DLG2: variants seen among roughly 807,000 people sequenced by gnomAD.
The protein encoded by DLG2 is discs large MAGUK scaffold protein 2, also known as disks large homolog 2.
Under a neutral mutation model 132.5 loss-of-function variants are expected in DLG2, and 45 were observed. That is an observed-to-expected ratio of 0.34 (90% CI 0.27 to 0.44). The LOEUF (loss-of-function observed/expected upper bound fraction) is 0.44, where lower values mean the gene tolerates loss of function less well. Ranked by LOEUF, DLG2 falls within the 20% of genes least tolerant of loss-of-function variation. The probability of loss-of-function intolerance (pLI) is 1.00; values close to 1 mark genes in which losing one functional copy is unlikely to be tolerated. For synonymous variants in DLG2, 424 were observed against 419.6 expected (o/e 1.01, Z -0.13); for missense variants, 1,045 against 1,196.9 (o/e 0.87, Z 1.87).
chr11:85,470,609 A>AGGGGGC (rs908966054), intron 3 of DLG2, among the ~76,000 whole-genome samples: 2 of 152,102 alleles, frequency 1.3e-5, no homozygotes, highest in African/African-American at 4.8e-5. Flanking sequence ...CCAGCTACTC[A>AGGGGGC]GGGGGCTGAG....
chr11:84,188,013 T>C (rs1418101222), intron 8 of DLG2, among the ~76,000 whole-genome samples: 2 of 152,122 alleles, frequency 1.3e-5, no homozygotes, highest in Middle Eastern at 3.2e-3. Flanking sequence ...TCAAATAGGA[T>C]ACAATTATTG....
At chr11:83,704,659 A>AAG (rs1218448390) in intron 18 of DLG2, among the ~76,000 whole-genome samples, 2 of 149,908 alleles carry the variant, frequency 1.3e-5, no homozygotes, top group East Asian at 3.9e-4. Flanking sequence ...TCTACTAAAA[A>AAG]AAAAAAAAAA....
chr11:83,768,621 A>G (rs1008889181), intron 18 of DLG2, among the ~76,000 whole-genome samples: 1 of 152,234 alleles, frequency 6.6e-6, no homozygotes, highest in African/African-American at 2.4e-5. Context: ...TGCCAGATTT[A>G]AGAAAAGTGC....
intron 18 of DLG2, among the ~76,000 whole-genome samples, chr11:83,748,423 C>T (rs775665777): frequency 1.4e-4 from 21 of 152,176 alleles, no homozygotes; most frequent in Non-Finnish European, 2.8e-4. Flanking sequence ...TTTCCCTTTC[C>T]CTGACTCCAC....
intron 21 of DLG2, among the ~76,000 whole-genome samples, chr11:83,500,725 G>A (rs1565496950): frequency 6.6e-6 from 1 of 151,848 alleles, no homozygotes; most frequent in Non-Finnish European, 1.5e-5. Context: ...TTGAATGCCT[G>A]TATGTCCCAC....
Position 85,345,023 on chromosome 11 carries a change from G to A in DLG2, c.41-59658C>T, listed in dbSNP as rs150808426. On this transcript the variant is annotated intron_variant, in intron 3 of 27. Coordinates refer to ENST00000376104, the MANE Select transcript of DLG2 (RefSeq NM_001142699.3). Reference sequence around the variant, plus strand: ...AGTAGAATAGGTAGTAACTCAATACGGTTGGTTTCTATACTCCAGAAAGTC... The same window carrying A: ...AGTAGAATAGGTAGTAACTCAATACAGTTGGTTTCTATACTCCAGAAAGTC... Among the ~76,000 whole-genome samples the A allele has an allele frequency of 2.1e-3, 322 of 151,530 alleles. 3 individuals carry two copies. The highest frequency in any genetic ancestry group is 7.2e-3 in the African/African-American group (297 of 41,270).
rs150918739 is a variant in DLG2 at position 84,729,650 on chromosome 11, C to T, written c.358-194919G>A. 8.9e-3 allele frequency among the ~76,000 whole-genome samples: 1,350 copies of T among 152,116 alleles called. 68 individuals carry two copies. Among genetic ancestry groups the T allele is most frequent in the Non-Finnish European group, 1.6e-3 (109 of 67,962 alleles). On this transcript the variant is annotated intron_variant, in intron 6 of 27. Transcript: ENST00000376104. The stretch of plus-strand genomic sequence containing the variant: ...TATAGACTACTTTGAGCGAGTCACA[C>T]GTAGTGACTGCTTGGCCTTTATCTA...
At chr11:83,796,366 T>C (rs1342632252) in intron 17 of DLG2, among the ~76,000 whole-genome samples, 1 of 152,228 alleles carries the variant, frequency 6.6e-6, no homozygotes. Flanking sequence ...TTGGCTTCAG[T>C]TCTGCCCTCT....
chr11:84,287,026 T>C (rs763821198), intron 7 of DLG2, among the ~76,000 whole-genome samples: 3 of 152,136 alleles, frequency 2.0e-5, no homozygotes, highest in Non-Finnish European at 4.4e-5. Flanking sequence ...GTAAAGTGGG[T>C]TTGATAATGA....
At chr11:83,927,962 G>A (rs1480657514) in intron 15 of DLG2, among the ~76,000 whole-genome samples, 6 of 152,128 alleles carry the variant, frequency 3.9e-5, no homozygotes, top group Non-Finnish European at 8.8e-5. Context: ...GTAGATGTGT[G>A]TGCCATTTAC....
Position 85,520,515 on chromosome 11 carries a change from CCA to C in DLG2, c.40+78140_40+78141del, listed in dbSNP as rs3068471. On this transcript the variant is annotated intron_variant, in intron 3 of 27. Coordinates refer to ENST00000376104, the MANE Select transcript of DLG2 (RefSeq NM_001142699.3). ...AAATAGTCCTAAAATGTATATGGAA[CCA>C]CACACACACACACACACACACACAA... Among the ~76,000 whole-genome samples the C allele has an allele frequency of 1.1e-4, 16 of 148,126 alleles. No individual in the cohort carries two copies. In the South Asian group the frequency reaches 1.7e-3, roughly 16 times the overall value.
At chr11:83,943,610 C>G (rs2083147812) in intron 14 of DLG2, among the ~76,000 whole-genome samples, 1 of 152,210 alleles carries the variant, frequency 6.6e-6, no homozygotes. Context: ...TATTCTGTTA[C>G]TAACAAGATT....
chr11:84,343,750 G>A (rs1168039064), intron 7 of DLG2, among the ~76,000 whole-genome samples: 3 of 152,258 alleles, frequency 2.0e-5, no homozygotes, highest in Middle Eastern at 3.4e-3. Flanking sequence ...AATTTAAGGT[G>A]AAGGTATTAT....
At chr11:83,918,840 CAA>C (rs11317490) in intron 15 of DLG2, among the ~76,000 whole-genome samples, 11 of 150,888 alleles carry the variant, frequency 7.3e-5, no homozygotes, top group South Asian at 4.2e-4. Context: ...AAATCTTGGT[CAA>C]AAAAAAAAAG....
intron 6 of DLG2, among the ~76,000 whole-genome samples, chr11:84,750,436 G>A (rs2065961132): frequency 6.6e-6 from 1 of 152,028 alleles, no homozygotes; most frequent in Admixed American, 6.6e-5. Context: ...AAGATTTGAG[G>A]TTTGGCATAG....
At chr11:84,440,842 AACTATCAT>A (rs1199998008) in intron 7 of DLG2, among the ~76,000 whole-genome samples, 1 of 152,216 alleles carries the variant, frequency 6.6e-6, no homozygotes, top group African/African-American at 2.4e-5. Context: ...TCAAGCCATT[AACTATCAT>A]ACATTTTCTG....
At chr11:84,611,024 T>TATAC (rs71036432) in intron 6 of DLG2, among the ~76,000 whole-genome samples, 231 of 138,202 alleles carry the variant, frequency 1.7e-3, no homozygotes, top group Non-Finnish European at 3.0e-3. Flanking sequence ...TTAGATGACA[T>TATAC]ACACACACAC....
chr11:84,585,618 A>G (rs2099527796), intron 6 of DLG2, among the ~76,000 whole-genome samples: 1 of 152,354 alleles, frequency 6.6e-6, no homozygotes, highest in Non-Finnish European at 1.5e-5. Context: ...ATTATACTGA[A>G]TATTTATATC....
intron 15 of DLG2, among the ~76,000 whole-genome samples, chr11:83,889,752 A>G (rs1397791744): frequency 6.6e-6 from 1 of 152,310 alleles, no homozygotes; most frequent in Admixed American, 6.5e-5. Context: ...AATGTGGCAC[A>G]TATACACCAT....
Sources: gnomAD v4.1 joint callset for allele counts (sites outside exome capture counted in the v4.1 genomes callset) on GRCh38, gnomAD v4.1.1 for gene constraint, MANE v1.5 for transcripts, NCBI Gene and HGNC (gene_info 2026-07-23, HGNC 2026-07-21) for gene names.